The following HYDIN variants were observed in gnomAD, a reference collection of about 807,000 sequenced individuals.
HYDIN encodes the protein axonemal central pair apparatus protein HYDIN.
HYDIN carries 132 observed loss-of-function variants against 403.9 expected under a neutral mutation model. The ratio of observed to expected loss-of-function variants is 0.33; its 90% CI spans 0.28 to 0.38. The LOEUF (loss-of-function observed/expected upper bound fraction) is 0.38, where lower values mean the gene tolerates loss of function less well. HYDIN is among the 10% of genes least tolerant of loss of function. The pLI is 1.00. For missense variants in HYDIN, 2,827 were observed against 5,009.5 expected (o/e 0.56, Z 13.15); for synonymous variants, 1,202 against 1,891.7 (o/e 0.64, Z 9.46).
chr16:70,824,756 T>G (rs2036484698), intron 83 of HYDIN, among the ~76,000 whole-genome samples: 1 of 152,006 alleles, frequency 6.6e-6, no homozygotes, highest in Non-Finnish European at 1.5e-5. Context: ...CCACTGCACA[T>G]GGCTCACTTA....
chr16:71,097,527 C>T (rs543088369), intron 10 of HYDIN, among the ~76,000 whole-genome samples: 2 of 148,498 alleles, frequency 1.3e-5, no homozygotes, highest in South Asian at 4.3e-4. Flanking sequence ...CATTACTCAG[C>T]TTATCATTTA....
chr16:71,089,782 TG>T (rs1366804226), intron 11 of HYDIN, among the ~76,000 whole-genome samples: 1 of 150,714 alleles, frequency 6.6e-6, no homozygotes, highest in African/African-American at 2.4e-5. Flanking sequence ...AGAAGATGAG[TG>T]GTGAAAGGTG....
At position 70,863,183 on chromosome 16, in the gene HYDIN, C is replaced by G. The variant is rs751267820; in HGVS notation, c.11472-1G>C. The G allele has an allele frequency of 6.2e-7, 1 of 1,612,660 alleles. No homozygotes were observed. The highest frequency in any genetic ancestry group is 1.3e-5 in the African/African-American group (1 of 74,872). ...ACGTCCTGAATTAATCACATCGAAC[C>G]TGCAAATCGATCAGGGAGCAGATTT... is the stretch of plus-strand genomic sequence containing the variant. On this transcript the variant is annotated splice_acceptor_variant, in intron 67 of 85. Transcript: ENST00000393567. LOFTEE classifies it high-confidence loss of function.
rs1433345002 is a variant in HYDIN, at chr16:70,974,615, G to A, written c.4828C>T (p.Arg1610Ter). The change falls in exon 32 of 86, where the codon CGA becomes TGA. Residue 1610 changes from arginine (R) to a stop codon, truncating the protein, a stop_gained. Transcript: ENST00000393567. LOFTEE classifies it high-confidence loss of function. ...TTGATGATCTTGATGATGTGGGTTC[G>A]GACTTCGCCAAGGATGATGTAGCCA... ...DFGYIILGEV[R>*]THIIKIINTS... 8 of 1,432,510 alleles carry A rather than the reference G, an allele frequency of 5.6e-6. No individual in the cohort carries two copies. The highest frequency in any genetic ancestry group is 7.8e-6 in the Non-Finnish European group (8 of 1,023,112). The allele number at this position is 1,432,510 out of a possible 1,614,324, so 88.7% of individuals were successfully genotyped here. A position where few individuals can be genotyped will look rare whatever the true frequency, so the allele number is the denominator to read the frequency against.
At chr16:71,198,871 T>C (rs1004849922) in intron 1 of HYDIN, among the ~76,000 whole-genome samples, 4 of 152,334 alleles carry the variant, frequency 2.6e-5, no homozygotes, top group Non-Finnish European at 2.9e-5. Context: ...ATCTCCTTCA[T>C]AGTATGCATA....
At chr16:71,117,988 A>G (rs1974523) in intron 9 of HYDIN, among the ~76,000 whole-genome samples, 62 of 151,746 alleles carry the variant, frequency 4.1e-4, no homozygotes, top group Admixed American at 7.2e-4. Context: ...CTCTGTTTTT[A>G]TAGAGTAAGA....
At chr16:70,833,618 T>C (rs1353145922) in intron 79 of HYDIN, among the ~76,000 whole-genome samples, 1 of 132,572 alleles carries the variant, frequency 7.5e-6, no homozygotes, top group African/African-American at 3.0e-5. Flanking sequence ...CTTGGTCTCA[T>C]AGAACTGTAG....
chr16:71,028,273 A>G (rs1568018351), intron 19 of HYDIN, among the ~76,000 whole-genome samples: 1 of 152,142 alleles, frequency 6.6e-6, no homozygotes, highest in Non-Finnish European at 1.5e-5. Flanking sequence ...AATGTCCCAT[A>G]ACAATGGGCT....
chr16:71,028,221 G>A (rs76398141), intron 19 of HYDIN, among the ~76,000 whole-genome samples: 1 of 151,626 alleles, frequency 6.6e-6, no homozygotes, highest in South Asian at 2.1e-4. Context: ...AAGGAGAAGC[G>A]AGTTTCAAGC....
intron 5 of HYDIN, among the ~76,000 whole-genome samples, chr16:71,173,067 G>A (rs1381349331): frequency 1.3e-5 from 2 of 152,166 alleles, no homozygotes; most frequent in Non-Finnish European, 2.9e-5. Context: ...AACTGACTAC[G>A]CCATCATCAG....
At chr16:70,926,466 T>G (rs1325366720) in intron 45 of HYDIN, among the ~76,000 whole-genome samples, 34 of 138,648 alleles carry the variant, frequency 2.5e-4, no homozygotes, top group African/African-American at 5.2e-4. Context: ...TGTTGTGGGG[T>G]GGGGGGAGAG....
intron 18 of HYDIN, among the ~76,000 whole-genome samples, chr16:71,044,091 C>T (rs368704009): frequency 6.7e-6 from 1 of 150,328 alleles, no homozygotes; most frequent in African/African-American, 2.4e-5. Flanking sequence ...TTTAGATGCC[C>T]AACTAACAGT....
At chr16:70,938,550 T>C in intron 44 of HYDIN, 64 bp downstream of exon 44, 1 of 1,065,528 alleles carries the variant, frequency 9.4e-7, no homozygotes, top group South Asian at 1.4e-5. Context: ...ACCCCGGTCC[T>C]GGTCACTCTG....
At chr16:71,174,477 T>C (rs1197815252) in intron 5 of HYDIN, among the ~76,000 whole-genome samples, 2 of 152,192 alleles carry the variant, frequency 1.3e-5, no homozygotes, top group African/African-American at 2.4e-5. Flanking sequence ...ATTAACATGA[T>C]ACACAGCCTG....
rs1038570799 is a variant in HYDIN at position 70,921,070 on chromosome 16, G to C, written c.7306C>G (p.Gln2436Glu). ...TCCCCTTCACTGTCCTCTTGGTCCT[G>C]GACAAGAGGAAGCCCATGCATGCTG... ...DVSMHGLPLV[Q>E]DQEDSEGDNS... Residue 2436 changes from glutamine (Q) to glutamate (E), a missense_variant, in exon 46 of 86, where the codon CAG becomes GAG. Coordinates refer to ENST00000393567, the MANE Select transcript of HYDIN (RefSeq NM_001270974.2). 1 of 1,609,316 alleles carries C rather than the reference G, an allele frequency of 6.2e-7. No homozygotes were observed. Among genetic ancestry groups the C allele is most frequent in the Admixed American group, 1.7e-5 (1 of 59,900 alleles).
intron 2 of HYDIN, among the ~76,000 whole-genome samples, chr16:71,185,263 A>G (rs936490844): frequency 8.5e-5 from 13 of 152,112 alleles, no homozygotes; most frequent in Non-Finnish European, 1.9e-4. Context: ...TGAGAGAAAA[A>G]AGTCAAGAAA....
At chr16:70,954,498 TC>T (rs1300664877) in intron 40 of HYDIN, among the ~76,000 whole-genome samples, 1 of 136,894 alleles carries the variant, frequency 7.3e-6, no homozygotes, top group Non-Finnish European at 1.6e-5. Context: ...ACAACCCCCC[TC>T]CCCCAAACCC....
chr16:70,944,547 G>T (rs1316065965), intron 41 of HYDIN, among the ~76,000 whole-genome samples: 1 of 152,138 alleles, frequency 6.6e-6, no homozygotes, highest in Non-Finnish European at 1.5e-5. Context: ...TGTGCTCGGG[G>T]AATCTCGGGG....
intron 75 of HYDIN, among the ~76,000 whole-genome samples, chr16:70,844,378 G>A (rs955257059): frequency 1.5e-5 from 2 of 137,670 alleles, no homozygotes. Context: ...ATTTCTGAGG[G>A]CTCTGTTCTG....
Sources: allele counts gnomAD v4.1 joint callset (sites outside exome capture counted in the v4.1 genomes callset), GRCh38; gene constraint gnomAD v4.1.1; transcripts MANE v1.5; gene names NCBI Gene and HGNC (gene_info 2026-07-23, HGNC 2026-07-21).